CHAT: variants seen among roughly 807,000 people sequenced by gnomAD.
CHAT encodes acetyl CoA:choline O-acetyltransferase.
In CHAT, 61 loss-of-function variants were observed where a neutral mutation model predicts 76.9. The ratio of observed to expected loss-of-function variants is 0.79; its 90% CI spans 0.65 to 0.98. The LOEUF (loss-of-function observed/expected upper bound fraction) is 0.98. Ranked by LOEUF, CHAT falls within the 50% of genes least tolerant of loss-of-function variation. The pLI is 0.00. For missense variants in CHAT, 946 were observed against 986.9 expected (o/e 0.96, Z 0.56); for synonymous variants, 407 against 397.4 (o/e 1.02, Z -0.29).
chr10:49,650,998 C>T (rs1839857932), intron 10 of CHAT, among the ~76,000 whole-genome samples: 2 of 152,016 alleles, frequency 1.3e-5, no homozygotes, highest in Admixed American at 1.3e-4. Context: ...TTCCCCAAGG[C>T]CCCCAGCTCC....
rs755961080 is a variant in CHAT at position 49,667,400 on chromosome 10, T to C, written c.*2354T>C. 1.7e-4 allele frequency among the ~76,000 whole-genome samples: 26 copies of C among 152,308 alleles called. No individual in the cohort carries two copies. Among genetic ancestry groups the C allele is most frequent in the Middle Eastern group, 3.4e-3 (1 of 294 alleles). ...TCATATTTGCTATTCTCCGAGCACA[T>C]GGAAAGGTAACTCACTCTGTACATT... On this transcript the variant is annotated 3_prime_UTR_variant, in exon 15 of 15. Coordinates refer to ENST00000337653, the MANE Select transcript of CHAT (RefSeq NM_020549.5).
At chr10:49,651,041 C>T (rs1360518694) in intron 10 of CHAT, among the ~76,000 whole-genome samples, 3 of 151,994 alleles carry the variant, frequency 2.0e-5, no homozygotes, top group Non-Finnish European at 4.4e-5. Context: ...CCAGGAAAGG[C>T]CCATGGATGG....
rs1025462496 is a variant in CHAT, at chr10:49,632,634, C to T, written c.1111+4849C>T. Among the ~76,000 whole-genome samples the T allele has an allele frequency of 7.2e-5, 11 of 152,182 alleles. 1 individual carries two copies. The highest frequency in any genetic ancestry group is 7.2e-4 in the Admixed American group (11 of 15,292). On this transcript the variant is annotated intron_variant, in intron 7 of 14. Transcript: ENST00000337653. The stretch of plus-strand genomic sequence containing the variant: ...AAGGAGACTGCGCTCAGATGAAACA[C>T]TTCCCCGGATTCTCATGTGGTCAAC...
At chr10:49,651,770 C>A (rs1839887041) in intron 10 of CHAT, 114 bp from the exon 11 acceptor site, 1 of 1,089,104 alleles carries the variant, frequency 9.2e-7, no homozygotes. Context: ...GGGACTACGT[C>A]CGCACCTTCC....
chr10:49,610,509 C>G, upstream of CHAT: 1 of 444,288 alleles, frequency 2.3e-6, no homozygotes, highest in Non-Finnish European at 3.9e-6. Flanking sequence ...CGCCCCTGAG[C>G]CCAGCAGCCG....
At chr10:49,612,659 A>C (rs1456112433), upstream of CHAT, 1 of 338,312 alleles carries the variant, frequency 3.0e-6, no homozygotes, top group Admixed American at 4.8e-5. Context: ...TCCCAGTGCC[A>C]AACTTGGGCC....
intron 7 of CHAT, among the ~76,000 whole-genome samples, chr10:49,641,831 C>G (rs1168044152): frequency 2.0e-5 from 3 of 152,116 alleles, no homozygotes; most frequent in African/African-American, 7.2e-5. Context: ...GCAAGTGTCC[C>G]AAAGAGGGTG....
At chr10:49,626,069 A>C (rs1013877104) in intron 6 of CHAT, among the ~76,000 whole-genome samples, 1 of 152,072 alleles carries the variant, frequency 6.6e-6, no homozygotes, top group East Asian at 1.9e-4. Flanking sequence ...CATTCATCCC[A>C]CTTAATCCTC....
intron 9 of CHAT, among the ~76,000 whole-genome samples, chr10:49,648,927 G>C (rs1198053799): frequency 6.6e-6 from 1 of 152,182 alleles, no homozygotes; most frequent in Non-Finnish European, 1.5e-5. Context: ...TCCTGAGTCA[G>C]GGCCAGGCCC....
chr10:49,618,922 T>C (rs1838596584), intron 2 of CHAT, among the ~76,000 whole-genome samples: 1 of 152,214 alleles, frequency 6.6e-6, no homozygotes, highest in Non-Finnish European at 1.5e-5. Context: ...TAGGAATTGT[T>C]ATTTATGTCC....
intron 8 of CHAT, 65 bp from the exon 9 acceptor site, chr10:49,648,442 G>C: frequency 7.7e-7 from 1 of 1,302,036 alleles, no homozygotes; most frequent in Non-Finnish European, 1.1e-6. Context: ...CCTAACCTGG[G>C]GCCAAGGGGC....
chr10:49,633,893 G>C (rs907947645), intron 7 of CHAT, among the ~76,000 whole-genome samples: 2 of 152,208 alleles, frequency 1.3e-5, no homozygotes, highest in African/African-American at 4.8e-5. Flanking sequence ...GGAGGGAACT[G>C]ACAGAAGGCG....
At chr10:49,655,929 A>T (rs1393726782) in intron 13 of CHAT, among the ~76,000 whole-genome samples, 1 of 152,196 alleles carries the variant, frequency 6.6e-6, no homozygotes, top group Non-Finnish European at 1.5e-5. Flanking sequence ...TAATAGGGAA[A>T]TCAAACTTGC....
chr10:49,652,561 A>G (rs1839914027), intron 11 of CHAT, among the ~76,000 whole-genome samples: 1 of 152,128 alleles, frequency 6.6e-6, no homozygotes, highest in South Asian at 2.1e-4. Context: ...GGCCACCATC[A>G]GCTCATGCTT....
At chr10:49,646,784 A>G in intron 8 of CHAT, 110 bp downstream of exon 8, 4 of 1,264,714 alleles carry the variant, frequency 3.2e-6, no homozygotes, top group Non-Finnish European at 4.5e-6. Context: ...TGTGTCTGGC[A>G]GGCGCACTCA....
chr10:49,639,166 G>A (rs1055834779), intron 7 of CHAT, among the ~76,000 whole-genome samples: 6 of 152,098 alleles, frequency 3.9e-5, no homozygotes, highest in African/African-American at 1.4e-4. Flanking sequence ...CCTGGGAGGC[G>A]GAAGTTGCAG....
At chr10:49,657,590 T>C (rs1840072924) in intron 13 of CHAT, among the ~76,000 whole-genome samples, 1 of 152,192 alleles carries the variant, frequency 6.6e-6, no homozygotes, top group Non-Finnish European at 1.5e-5. Context: ...TTGAGGACAC[T>C]AGGCATGGCT....
Position 49,655,225 on chromosome 10 carries a change from G to C in CHAT, c.1765G>C (p.Ala589Pro). The C allele has an allele frequency of 6.2e-7, 1 of 1,614,020 alleles. No homozygotes were observed. Among genetic ancestry groups the C allele is most frequent in the Non-Finnish European group, 8.5e-7 (1 of 1,180,038 alleles). ...AFVRAVTDHK[A>P]AVPASEKLLL... ...TGTGAGAGCCGTGACTGACCACAAGGCTGCTGTGCCAGTAAGTCCCGCCCC... is the reference window on the plus strand; with the variant it reads ...TGTGAGAGCCGTGACTGACCACAAGCCTGCTGTGCCAGTAAGTCCCGCCCC... Residue 589 changes from alanine to proline, a missense_variant, in exon 12 of 15, where the codon GCT becomes CCT. This residue lies in a region of CHAT where 349 missense variants were observed against 393.9 expected (regional missense o/e 0.89). Coordinates refer to ENST00000337653, the MANE Select transcript of CHAT (RefSeq NM_020549.5).
At chr10:49,622,805 C>T (rs958063284) in intron 5 of CHAT, among the ~76,000 whole-genome samples, 13 of 152,178 alleles carry the variant, frequency 8.5e-5, no homozygotes, top group Admixed American at 7.2e-4. Flanking sequence ...GATGAGGAAG[C>T]TGCAGCTCAG....
Sources: allele counts gnomAD v4.1 joint callset (sites outside exome capture counted in the v4.1 genomes callset), GRCh38; gene constraint gnomAD v4.1.1; regional missense constraint gnomAD v4.1.1; transcripts MANE v1.5; gene names NCBI Gene and HGNC (gene_info 2026-07-23, HGNC 2026-07-21).